The following SHTN1 variants were observed in gnomAD, a reference collection of about 807,000 sequenced individuals.
SHTN1 encodes shootin 1, also known as shootin-1.
A neutral mutation model predicts 83.1 loss-of-function variants in SHTN1; 42 were observed. The observed-to-expected ratio is 0.51, with a 90% confidence interval of 0.39 to 0.65. The LOEUF is 0.65. SHTN1 is among the 30% of genes least tolerant of loss of function. The pLI is 0.00. For synonymous variants in SHTN1, 224 were observed against 247.7 expected, an observed-to-expected ratio of 0.90 and a Z score of 0.90; for missense variants, 622 against 737.8, an observed-to-expected ratio of 0.84 and a Z score of 1.82.
chr10:117,124,031 G>A (rs575934804), intron 1 of SHTN1, among the ~76,000 whole-genome samples: 1 of 152,034 alleles, frequency 6.6e-6, no homozygotes, highest in Admixed American at 6.6e-5. Context: ...GGGCAATACA[G>A]TGAGACACTG....
At chr10:117,103,710 G>A (rs1338195429) in intron 1 of SHTN1, among the ~76,000 whole-genome samples, 3 of 149,568 alleles carry the variant, frequency 2.0e-5, no homozygotes, top group Non-Finnish European at 4.5e-5. Flanking sequence ...CCAATTTTTT[G>A]TATTTTTAGT....
Position 117,067,192 on chromosome 10 carries a change from G to A in SHTN1, c.-188-18682C>T, listed in dbSNP as rs559280621. On this transcript the variant is annotated intron_variant, in intron 1 of 17. Transcript: ENST00000392901. ...GAAAAAAATTGTGCTGGAGACATTA[G>A]CAAGAACTAGGTTCCAAAGGCCTTA... 7.2e-5 allele frequency among the ~76,000 whole-genome samples: 11 copies of A among 152,316 alleles called. No homozygotes were observed. In the South Asian group the frequency reaches 2.3e-3, roughly 32 times the overall value.
chr10:116,939,552 G>A (rs571886739), intron 9 of SHTN1, among the ~76,000 whole-genome samples: 13 of 152,256 alleles, frequency 8.5e-5, no homozygotes, highest in East Asian at 1.9e-4. Flanking sequence ...GAAATCACCC[G>A]CCTTCTGCGT....
chr10:117,109,551 TAC>T (rs1417139779), intron 1 of SHTN1, among the ~76,000 whole-genome samples: 19 of 128,462 alleles, frequency 1.5e-4, no homozygotes, highest in South Asian at 5.2e-4. Context: ...TAACATATAT[TAC>T]TTTTTTTTTT....
intron 1 of SHTN1, among the ~76,000 whole-genome samples, chr10:117,068,922 G>GT (rs2133601588): frequency 6.6e-6 from 1 of 152,158 alleles, no homozygotes; most frequent in African/African-American, 2.4e-5. Context: ...ATCTGAGACA[G>GT]TTTTTTTAAA....
intron 1 of SHTN1, among the ~76,000 whole-genome samples, chr10:116,991,018 C>CT (rs1851410823): frequency 6.6e-6 from 1 of 152,104 alleles, no homozygotes; most frequent in South Asian, 2.1e-4. Context: ...AACCCTGTCT[C>CT]TACTAAAAAT....
At position 117,022,642 on chromosome 10, in the gene SHTN1, C is replaced by T. The variant is rs146115431; in HGVS notation, c.-123+25803G>A. ...TTAATATCTTAAAACATGTGTAGGC[C>T]GGGCACAGTGGCTCATGCCTATAAT... On this transcript the variant is annotated intron_variant, in intron 2 of 17. Transcript: ENST00000392901. Among the ~76,000 whole-genome samples the T allele has an allele frequency of 2.5e-3, 387 of 152,256 alleles. 4 individuals are homozygous for T. The highest frequency in any genetic ancestry group is 0.014 in the Middle Eastern group (4 of 294).
chr10:116,916,971 A>C lies in SHTN1; in HGVS notation c.1196-1487T>G, dbSNP rs75668034. The stretch of plus-strand genomic sequence containing the variant: ...TCTTTTGCCAAGCAACATGGGAAAC[A>C]TGGTCACCAAAGTTAGAACTCATCT... On this transcript the variant is annotated intron_variant, in intron 12 of 16. Coordinates refer to ENST00000355371, the MANE Select transcript of SHTN1 (RefSeq NM_001127211.3). 7.8e-3 allele frequency among the ~76,000 whole-genome samples: 1,192 copies of C among 152,348 alleles called. 8 individuals are homozygous for C. The highest frequency in any genetic ancestry group is 0.027 in the African/African-American group (1,117 of 41,580).
chr10:116,960,531 A>G (rs1850149062), intron 3 of SHTN1, among the ~76,000 whole-genome samples: 1 of 152,234 alleles, frequency 6.6e-6, no homozygotes, highest in African/African-American at 2.4e-5. Flanking sequence ...CTATATATGT[A>G]TCCATAGACA....
At chr10:117,034,005 G>A (rs372633628) in intron 2 of SHTN1, among the ~76,000 whole-genome samples, 145 of 151,022 alleles carry the variant, frequency 9.6e-4, no homozygotes, top group African/African-American at 3.2e-3. Context: ...CTAAAAAACC[G>A]GGTATAGAAG....
chr10:117,053,273 C>A (rs1852775538), intron 1 of SHTN1, among the ~76,000 whole-genome samples: 1 of 151,298 alleles, frequency 6.6e-6, no homozygotes, highest in Admixed American at 6.6e-5. Context: ...TTGACTTGGT[C>A]AAAATTAAAA....
chr10:116,991,204 A>C (rs1180718249), intron 1 of SHTN1, among the ~76,000 whole-genome samples: 1 of 152,136 alleles, frequency 6.6e-6, no homozygotes, highest in Non-Finnish European at 1.5e-5. Flanking sequence ...AAAAAAAAGA[A>C]GGGCTTCTTG....
At chr10:117,065,792 GGA>G (rs1852982799) in intron 1 of SHTN1, among the ~76,000 whole-genome samples, 3 of 14,878 alleles carry the variant, frequency 2.0e-4, no homozygotes, top group South Asian at 5.1e-3. Context: ...AAGGAAGGAA[GGA>G]AGGAAGGAAG....
intron 11 of SHTN1, 109 bp downstream of exon 11, chr10:116,927,683 A>G (rs1465661806): frequency 1.2e-5 from 16 of 1,376,958 alleles, no homozygotes; most frequent in South Asian, 5.8e-5. Flanking sequence ...AAAAATTTCC[A>G]AGAGAAGCAT....
At chr10:116,952,422 A>C (rs1849810716) in intron 5 of SHTN1, among the ~76,000 whole-genome samples, 1 of 152,214 alleles carries the variant, frequency 6.6e-6, no homozygotes, top group Non-Finnish European at 1.5e-5. Flanking sequence ...GATGTTAATA[A>C]TTTGGATATT....
intron 3 of SHTN1, among the ~76,000 whole-genome samples, chr10:116,967,478 T>C (rs528228927): frequency 2.3e-4 from 35 of 152,342 alleles, no homozygotes; most frequent in South Asian, 4.1e-4. Context: ...ACATATTTCA[T>C]GCATACAACA....
chr10:116,971,513 C>T (rs530252624), intron 2 of SHTN1, among the ~76,000 whole-genome samples: 2 of 152,154 alleles, frequency 1.3e-5, no homozygotes, highest in Non-Finnish European at 2.9e-5. Flanking sequence ...TTCTGGCTAG[C>T]GGTTTCAGGA....
At position 116,973,732 on chromosome 10, in the gene SHTN1, C is replaced by T. The variant is rs554559741; in HGVS notation, c.112-5020G>A. 5.6e-4 allele frequency: 253 copies of T among 450,942 alleles called. 5 individuals carry two copies. Among genetic ancestry groups the T allele is most frequent in the South Asian group, 5.0e-3 (240 of 48,156 alleles). The allele number at this position is 450,942 out of a possible 1,614,324, so 27.9% of individuals were successfully genotyped here. On this transcript the variant is annotated intron_variant, in intron 2 of 16. Coordinates refer to ENST00000355371, the MANE Select transcript of SHTN1 (RefSeq NM_001127211.3). ...AAGGAACGTACAGCAGAGCCTACAA[C>T]GCCACTAAGTCTGAAGAAGTTTAAT...
At chr10:117,043,198 A>G (rs1042742502) in intron 2 of SHTN1, among the ~76,000 whole-genome samples, 4 of 151,776 alleles carry the variant, frequency 2.6e-5, no homozygotes, top group African/African-American at 7.3e-5. Context: ...CAGTGGCACA[A>G]TCTCAGCTCA....
Sources: gnomAD v4.1 joint callset for allele counts (sites outside exome capture counted in the v4.1 genomes callset) on GRCh38, gnomAD v4.1.1 for gene constraint, MANE v1.5 for transcripts, NCBI Gene and HGNC (gene_info 2026-07-23, HGNC 2026-07-21) for gene names.